Variants in NFIB observed in about 807,000 individuals in gnomAD.
NFIB encodes nuclear factor 1 B-type.
Under a neutral mutation model 61.5 loss-of-function variants are expected in NFIB, and 11 were observed. The ratio of observed to expected loss-of-function variants is 0.18; its 90% CI spans 0.11 to 0.30. The LOEUF is 0.30. Among genes scored for constraint, NFIB ranks in the 10% least tolerant of loss-of-function variants. NFIB has a pLI of 1.00. For missense variants in NFIB, 471 were observed against 608.9 expected, an observed-to-expected ratio of 0.77 and a Z score of 2.38; for synonymous variants, 260 against 216.5, an observed-to-expected ratio of 1.20 and a Z score of -1.76.
chr9:14,132,380 T>C (rs1171446922), intron 6 of NFIB, among the ~76,000 whole-genome samples: 1 of 152,216 alleles, frequency 6.6e-6, no homozygotes, highest in East Asian at 1.9e-4. Context: ...CACCATTTGC[T>C]GGCTACTTTT....
chr9:14,122,968 G>T (rs1346348332), intron 7 of NFIB, among the ~76,000 whole-genome samples: 1 of 152,046 alleles, frequency 6.6e-6, no homozygotes, highest in Non-Finnish European at 1.5e-5. Flanking sequence ...AGAAAAGCAG[G>T]CCAGGCATGG....
intron 1 of NFIB, among the ~76,000 whole-genome samples, chr9:14,331,246 A>C (rs1396420117): frequency 6.6e-6 from 1 of 152,184 alleles, no homozygotes; most frequent in African/African-American, 2.4e-5. Context: ...CTGAGTAACC[A>C]ATTGAAGGTC....
chr9:14,340,433 C>T (rs913792361), intron 1 of NFIB, among the ~76,000 whole-genome samples: 2 of 152,194 alleles, frequency 1.3e-5, no homozygotes, highest in Non-Finnish European at 2.9e-5. Flanking sequence ...ACACTCGTAG[C>T]AATTCTAATT....
chr9:14,100,989 G>A (rs906469635), intron 10 of NFIB, among the ~76,000 whole-genome samples: 1 of 152,064 alleles, frequency 6.6e-6, no homozygotes, highest in African/African-American at 2.4e-5. Context: ...ATAAAATATG[G>A]AAATATTAGG....
At chr9:14,424,145 T>C in the NFIB span, among the ~76,000 whole-genome samples, 1 of 152,166 alleles carries the variant, frequency 6.6e-6, no homozygotes, top group African/African-American at 2.4e-5. Context: ...TAGTTTAAGT[T>C]AAAAACTAAG....
chr9:14,522,077 G>A, the NFIB span, among the ~76,000 whole-genome samples: 1 of 152,146 alleles, frequency 6.6e-6, no homozygotes, highest in African/African-American at 2.4e-5. Context: ...TGACAAATAT[G>A]GCTGGCCTGC....
chr9:14,250,326 T>C (rs1164277663), intron 2 of NFIB, among the ~76,000 whole-genome samples: 3 of 152,210 alleles, frequency 2.0e-5, no homozygotes, highest in Non-Finnish European at 4.4e-5. Flanking sequence ...AGGTAGCTAA[T>C]GTCACAAACC....
the NFIB span, among the ~76,000 whole-genome samples, chr9:14,431,489 A>T: frequency 1.3e-5 from 2 of 152,148 alleles, no homozygotes; most frequent in Non-Finnish European, 2.9e-5. Context: ...GTAAGAAGAA[A>T]TATGATTTGT....
intron 4 of NFIB, among the ~76,000 whole-genome samples, chr9:14,155,546 T>C (rs904873810): frequency 2.0e-5 from 3 of 152,162 alleles, no homozygotes; most frequent in African/African-American, 7.2e-5. Context: ...TAAATGGCCA[T>C]CTATGGTCAT....
chr9:14,335,570 TG>T (rs1564015279), intron 1 of NFIB, among the ~76,000 whole-genome samples: 1 of 152,238 alleles, frequency 6.6e-6, no homozygotes, highest in Non-Finnish European at 1.5e-5. Context: ...TTAAGTTTTT[TG>T]TATACTGTGA....
intron 2 of NFIB, among the ~76,000 whole-genome samples, chr9:14,232,826 T>C (rs2053347190): frequency 6.6e-6 from 1 of 152,258 alleles, no homozygotes; most frequent in African/African-American, 2.4e-5. Context: ...TTTATTTCAA[T>C]TGTTTTGCCT....
chr9:14,386,887 T>A (rs899581714), intron 1 of NFIB, among the ~76,000 whole-genome samples: 12 of 152,184 alleles, frequency 7.9e-5, no homozygotes, highest in Admixed American at 3.9e-4. Context: ...CACAGACAAA[T>A]ATGTTTAGAA....
At chr9:14,236,657 G>T (rs1166359707) in intron 2 of NFIB, among the ~76,000 whole-genome samples, 3 of 151,976 alleles carry the variant, frequency 2.0e-5, no homozygotes, top group Non-Finnish European at 2.9e-5. Flanking sequence ...AGAATTTTTT[G>T]GATTCTATTT....
intron 1 of NFIB, among the ~76,000 whole-genome samples, chr9:14,380,160 G>A (rs1237115646): frequency 6.6e-6 from 1 of 152,172 alleles, no homozygotes; most frequent in Non-Finnish European, 1.5e-5. Flanking sequence ...GCTACTACAA[G>A]TTAGTGGAAA....
intron 8 of NFIB, among the ~76,000 whole-genome samples, chr9:14,119,908 C>A (rs549509879): frequency 6.6e-6 from 1 of 152,134 alleles, no homozygotes; most frequent in African/African-American, 2.4e-5. Context: ...AAAAGAAAGA[C>A]GCTTCTAGTA....
the NFIB span, among the ~76,000 whole-genome samples, chr9:14,476,614 G>T: frequency 2.0e-5 from 3 of 152,042 alleles, no homozygotes; most frequent in Admixed American, 6.6e-5. Flanking sequence ...AGATCATCAC[G>T]CAAAATTCCT....
intron 4 of NFIB, among the ~76,000 whole-genome samples, chr9:14,154,914 T>C (rs771528136): frequency 1.3e-5 from 2 of 152,158 alleles, no homozygotes; most frequent in Non-Finnish European, 2.9e-5. Flanking sequence ...TCTTTGTTCT[T>C]TCTGGATCAT....
At chr9:14,179,646 A>G (rs1168267166) in intron 3 of NFIB, 81 bp downstream of exon 3, 7 of 1,485,912 alleles carry the variant, frequency 4.7e-6, no homozygotes, top group African/African-American at 4.2e-5. Flanking sequence ...CAGCTGACCA[A>G]TTATGGGGTG....
At chr9:14,249,963 C>G (rs986952234) in intron 2 of NFIB, among the ~76,000 whole-genome samples, 1 of 152,090 alleles carries the variant, frequency 6.6e-6, no homozygotes, top group Non-Finnish European at 1.5e-5. Context: ...CCCCCAAAAC[C>G]CCACACAGTA....
Sources: allele counts gnomAD v4.1 joint callset (sites outside exome capture counted in the v4.1 genomes callset), GRCh38; gene constraint gnomAD v4.1.1; transcripts MANE v1.5; gene names NCBI Gene and HGNC (gene_info 2026-07-23, HGNC 2026-07-21).